COL23A1: variants seen among roughly 807,000 people sequenced by gnomAD.
COL23A1 encodes the protein collagen type XXIII alpha 1 chain.
In COL23A1, 97 loss-of-function variants were observed where a neutral mutation model predicts 99.3. That is an observed-to-expected ratio of 0.98 (90% confidence interval 0.83 to 1.16). COL23A1 has a LOEUF of 1.16. Ranked by LOEUF, COL23A1 falls within the 50% of genes most tolerant of loss-of-function variation. The pLI is 0.00. For synonymous variants in COL23A1, 320 were observed against 308.2 expected, an observed-to-expected ratio of 1.04 and a Z score of -0.40; for missense variants, 762 against 757.4, an observed-to-expected ratio of 1.01 and a Z score of -0.07.
chr5:178,579,646 G>A (rs989184495), intron 1 of COL23A1, among the ~76,000 whole-genome samples: 1 of 152,054 alleles, frequency 6.6e-6, no homozygotes, highest in Admixed American at 6.5e-5. Flanking sequence ...GAGAGACGGG[G>A]TTTCACCATG....
chr5:178,532,419 C>T (rs1020616210), intron 2 of COL23A1, among the ~76,000 whole-genome samples: 15 of 152,122 alleles, frequency 9.9e-5, no homozygotes, highest in Admixed American at 9.8e-4. Context: ...CTACAAGGGC[C>T]CCCAAGGTGC....
Position 178,589,289 on chromosome 5 carries a change from C to G in COL23A1, c.294+615G>C, listed in dbSNP as rs745349128. Among the ~76,000 whole-genome samples, 9 of 152,134 alleles carry G rather than the reference C, an allele frequency of 5.9e-5. No homozygotes were observed. The highest frequency in any genetic ancestry group is 1.0e-4 in the Non-Finnish European group (7 of 68,020). ...AAACCAGAATCCAGGTCCTCCACCCCCGATTGTTTCTCCTTCCTCTCATCT... is the reference window on the plus strand; with the variant it reads ...AAACCAGAATCCAGGTCCTCCACCCGCGATTGTTTCTCCTTCCTCTCATCT... On this transcript the variant is annotated intron_variant, in intron 1 of 28. Coordinates refer to ENST00000390654, the MANE Select transcript of COL23A1 (RefSeq NM_173465.4). The surrounding 1 kb of genome is among the most constrained non-coding windows in gnomAD (Gnocchi z 5.4).
chr5:178,263,390 C>G, intron 8 of COL23A1, 66 bp from the exon 9 acceptor site: 1 of 1,009,088 alleles, frequency 9.9e-7, no homozygotes, highest in South Asian at 1.6e-5. Flanking sequence ...GAGAGGCTCC[C>G]TCAGATGGGC....
chr5:178,419,900 C>T (rs1427940664), intron 2 of COL23A1, among the ~76,000 whole-genome samples: 1 of 152,206 alleles, frequency 6.6e-6, no homozygotes, highest in Non-Finnish European at 1.5e-5. Context: ...TCTTTCTGTA[C>T]CGCACCTCTG....
At position 178,255,980 on chromosome 5, in the gene COL23A1, T is replaced by C. The variant is rs1018645103; in HGVS notation, c.882+373A>G. On this transcript the variant is annotated intron_variant, in intron 15 of 28. Coordinates refer to ENST00000390654, the MANE Select transcript of COL23A1 (RefSeq NM_173465.4). This position sits in a 1 kb window ranked among gnomAD's most constrained non-coding sequence, Gnocchi z 4.2. The stretch of plus-strand genomic sequence containing the variant: ...TCCTGGTGGCAGGGACAAACCTCCC[T>C]GTGGGGTGGGGAAAAGGCAAGGCCT... The C allele has an allele frequency of 1.8e-5, 4 of 227,220 alleles. No individual in the cohort carries two copies. The highest frequency in any genetic ancestry group is 3.7e-5 in the Non-Finnish European group (4 of 108,674). 14.1% of individuals were successfully genotyped at this position (227,220 alleles called of 1,614,324 possible).
intron 3 of COL23A1, among the ~76,000 whole-genome samples, chr5:178,290,571 C>T (rs1479885338): frequency 6.6e-6 from 1 of 152,132 alleles, no homozygotes; most frequent in South Asian, 2.1e-4. Flanking sequence ...TTGGAGGGGC[C>T]GGGATGGTCA....
At chr5:178,399,871 G>T (rs990279259) in intron 2 of COL23A1, among the ~76,000 whole-genome samples, 5 of 152,100 alleles carry the variant, frequency 3.3e-5, no homozygotes, top group African/African-American at 1.2e-4. Context: ...GAATAACGAC[G>T]GCCGCATGGT....
intron 2 of COL23A1, among the ~76,000 whole-genome samples, chr5:178,391,895 T>C (rs1219583866): frequency 6.6e-6 from 1 of 151,650 alleles, no homozygotes; most frequent in Non-Finnish European, 1.5e-5. Flanking sequence ...TATTTGAGAC[T>C]AAAAGGAATG....
At chr5:178,393,311 A>C (rs905844250) in intron 2 of COL23A1, among the ~76,000 whole-genome samples, 1 of 152,218 alleles carries the variant, frequency 6.6e-6, no homozygotes, top group African/African-American at 2.4e-5. Flanking sequence ...CAAATGCTGG[A>C]TGAGCCAAGC....
chr5:178,563,526 CTTTTTTTTTT>C (rs779487808), intron 1 of COL23A1, among the ~76,000 whole-genome samples: 10 of 83,230 alleles, frequency 1.2e-4, no homozygotes, highest in Admixed American at 3.2e-4. Flanking sequence ...TCAGAACTCA[CTTTTTTTTTT>C]TTTTTTTTTT....
intron 5 of COL23A1, 130 bp downstream of exon 5, chr5:178,288,194 C>T: frequency 1.1e-6 from 1 of 897,848 alleles, no homozygotes; most frequent in South Asian, 1.3e-5. Flanking sequence ...TAATCGCCTC[C>T]ACAGAAAGAC....
At chr5:178,418,916 C>G (rs1765454353) in intron 2 of COL23A1, among the ~76,000 whole-genome samples, 1 of 152,164 alleles carries the variant, frequency 6.6e-6, no homozygotes, top group Admixed American at 6.5e-5. Flanking sequence ...TGTCACCACC[C>G]CCAGCCTGCC....
intron 2 of COL23A1, among the ~76,000 whole-genome samples, chr5:178,531,892 C>T (rs1400590016): frequency 1.3e-5 from 2 of 152,208 alleles, no homozygotes; most frequent in African/African-American, 4.8e-5. Flanking sequence ...GCCTGGTTCT[C>T]CTCTCAGTCC....
At chr5:178,469,432 C>A (rs1237326639) in intron 2 of COL23A1, among the ~76,000 whole-genome samples, 2 of 152,276 alleles carry the variant, frequency 1.3e-5, no homozygotes, top group African/African-American at 4.8e-5. Context: ...TTCTAAGCCC[C>A]ACCACATTCT....
intron 2 of COL23A1, among the ~76,000 whole-genome samples, chr5:178,548,553 CT>C (rs3065159): frequency 0.13 from 16,326 of 124,364 alleles, 959 homozygotes; most frequent in South Asian, 0.23. Flanking sequence ...TTTGCCTATT[CT>C]TTTTTTTTTT....
chr5:178,389,607 G>C (rs1763858081), intron 2 of COL23A1, among the ~76,000 whole-genome samples: 2 of 152,192 alleles, frequency 1.3e-5, no homozygotes, highest in Non-Finnish European at 2.9e-5. Context: ...CCACCCCCAA[G>C]TCGTAGAAGT....
At position 178,358,603 on chromosome 5, in the gene COL23A1, GTGTATGCGTGTA is replaced by G. The variant is rs1221738891; in HGVS notation, c.362-51696_362-51685del. The stretch of plus-strand genomic sequence containing the variant: ...TGTGTATGTGTGTGTATGTGTATGT[GTGTATGCGTGTA>G]TGTATGTGTGTATGTGTCTAGTGTG... On this transcript the variant is annotated intron_variant, in intron 2 of 28. Coordinates refer to ENST00000390654, the MANE Select transcript of COL23A1 (RefSeq NM_173465.4). Among the ~76,000 whole-genome samples, 13 of 146,516 alleles carry G rather than the reference GTGTATGCGTGTA, an allele frequency of 8.9e-5. No homozygotes were observed. The South Asian group carries it at 8.9e-4, about 10-fold the overall frequency.
At chr5:178,291,192 C>A (rs967697048) in intron 3 of COL23A1, among the ~76,000 whole-genome samples, 1 of 152,208 alleles carries the variant, frequency 6.6e-6, no homozygotes, top group African/African-American at 2.4e-5. Context: ...CCAAACCAGA[C>A]CCCGAACCTC....
In COL23A1 at chr5:178,355,306, G is replaced by A. The variant is rs1469693545; in HGVS notation, c.362-48387C>T. ...TAAGATAAATAAAATAAATAAACAA[G>A]CATTTTATATCAAGGACTTGAGCAG... On this transcript the variant is annotated intron_variant, in intron 2 of 28. Coordinates refer to ENST00000390654, the MANE Select transcript of COL23A1 (RefSeq NM_173465.4). Among the ~76,000 whole-genome samples the A allele has an allele frequency of 2.0e-5, 3 of 152,046 alleles. No homozygotes were observed. The South Asian group carries it at 6.2e-4, about 32-fold the overall frequency.
Sources: allele counts gnomAD v4.1 joint callset (sites outside exome capture counted in the v4.1 genomes callset), GRCh38; gene constraint gnomAD v4.1.1; non-coding constraint Gnocchi (gnomAD v3.1); transcripts MANE v1.5; gene names NCBI Gene and HGNC (gene_info 2026-07-23, HGNC 2026-07-21).